The following RYR3 variants were observed in gnomAD, a reference collection of about 807,000 sequenced individuals.
RYR3 encodes ryanodine receptor 3.
In RYR3, 207 loss-of-function variants were observed where a neutral mutation model predicts 584.3. That is an observed-to-expected ratio of 0.35 (90% CI 0.32 to 0.40). The LOEUF (loss-of-function observed/expected upper bound fraction) is 0.40. Ranked by LOEUF, RYR3 falls within the 10% of genes least tolerant of loss-of-function variation. RYR3 has a pLI of 1.00. For missense variants in RYR3, 5,616 were observed against 6,089.2 expected (o/e 0.92, Z 2.59); for synonymous variants, 2,416 against 2,248.5 (o/e 1.07, Z -2.11).
chr15:33,373,552 A>G (rs1249250006), intron 1 of RYR3, among the ~76,000 whole-genome samples: 1 of 152,246 alleles, frequency 6.6e-6, no homozygotes, highest in East Asian at 1.9e-4. Context: ...TGGAACCTCA[A>G]TATATATTTC....
At chr15:33,567,674 G>A (rs1422230344) in intron 12 of RYR3, among the ~76,000 whole-genome samples, 2 of 152,140 alleles carry the variant, frequency 1.3e-5, no homozygotes, top group East Asian at 3.9e-4. Context: ...CCATCTTGCT[G>A]CTCTGACATC....
intron 60 of RYR3, among the ~76,000 whole-genome samples, chr15:33,758,780 C>T (rs964689945): frequency 6.6e-6 from 1 of 152,238 alleles, no homozygotes; most frequent in Non-Finnish European, 1.5e-5. Flanking sequence ...CCCAGCACAG[C>T]ACTCAAGCTC....
chr15:33,481,268 T>C (rs1252025827), intron 2 of RYR3, among the ~76,000 whole-genome samples: 1 of 152,204 alleles, frequency 6.6e-6, no homozygotes, highest in East Asian at 1.9e-4. Context: ...CATTTTACAA[T>C]CTCTGGTGTT....
intron 1 of RYR3, among the ~76,000 whole-genome samples, chr15:33,435,450 G>A (rs1409573633): frequency 6.6e-6 from 1 of 152,120 alleles, no homozygotes; most frequent in Non-Finnish European, 1.5e-5. Context: ...ATAGTTTGGG[G>A]CTCTGGATAT....
intron 5 of RYR3, among the ~76,000 whole-genome samples, chr15:33,533,610 C>G (rs997795846): frequency 6.6e-6 from 1 of 152,058 alleles, no homozygotes; most frequent in Non-Finnish European, 1.5e-5. Context: ...CCACAGTCAG[C>G]CAGAATCTCA....
chr15:33,859,761 CAG>C (rs2080130257), intron 100 of RYR3, 30 bp downstream of exon 100: 1 of 1,584,496 alleles, frequency 6.3e-7, no homozygotes, highest in African/African-American at 1.3e-5. Flanking sequence ...TGAGTATGAA[CAG>C]GGTTTAATCT....
chr15:33,621,288 A>G (rs1480150201), intron 19 of RYR3, among the ~76,000 whole-genome samples: 1 of 152,214 alleles, frequency 6.6e-6, no homozygotes, highest in African/African-American at 2.4e-5. Flanking sequence ...TACTTGCTAT[A>G]CAAGCTACTA....
intron 98 of RYR3, 83 bp from the exon 99 acceptor site, chr15:33,857,697 C>G: frequency 1.3e-6 from 2 of 1,551,824 alleles, no homozygotes; most frequent in Non-Finnish European, 1.8e-6. Context: ...ACTCTTCCTC[C>G]TCGTTTTCTT....
At chr15:33,778,217 T>C (rs1347156083) in intron 64 of RYR3, among the ~76,000 whole-genome samples, 2 of 141,002 alleles carry the variant, frequency 1.4e-5, no homozygotes, top group African/African-American at 4.9e-5. Flanking sequence ...TTTGAAATCT[T>C]ACCCCTTGTT....
chr15:33,364,714 T>C (rs1449516790), intron 1 of RYR3, among the ~76,000 whole-genome samples: 1 of 152,164 alleles, frequency 6.6e-6, no homozygotes, highest in Non-Finnish European at 1.5e-5. Flanking sequence ...CAGGTTGATG[T>C]GCTGGAGAAG....
chr15:33,319,784 GGA>G (rs1341349942), intron 1 of RYR3, among the ~76,000 whole-genome samples: 1 of 152,158 alleles, frequency 6.6e-6, no homozygotes, highest in Non-Finnish European at 1.5e-5. Flanking sequence ...ATGTAAATCT[GGA>G]GAGAGTAGCT....
intron 17 of RYR3, among the ~76,000 whole-genome samples, chr15:33,602,733 CTTTTTTTTTTTTTTTT>C (rs10578832): frequency 2.7e-5 from 2 of 75,198 alleles, no homozygotes; most frequent in South Asian, 5.8e-4. Flanking sequence ...TTTTTCTAGT[CTTTTTTTTTTTTTTTT>C]TTTTTTTTTT....
intron 42 of RYR3, among the ~76,000 whole-genome samples, chr15:33,704,018 C>A (rs1174961979): frequency 6.6e-6 from 1 of 152,018 alleles, no homozygotes; most frequent in Non-Finnish European, 1.5e-5. Context: ...GCCTGTAATC[C>A]CAGCACTTCA....
chr15:33,628,738 C>G (rs771196184), intron 21 of RYR3, among the ~76,000 whole-genome samples, 163 bp downstream of exon 21: 6 of 152,164 alleles, frequency 3.9e-5, no homozygotes, highest in Non-Finnish European at 8.8e-5. Flanking sequence ...CTTTCTTAAT[C>G]CCAAATACTG....
chr15:33,722,848 T>TGA lies in RYR3; in HGVS notation c.6756_6757dup (p.Asn2253ArgfsTer42). The TGA allele has an allele frequency of 1.9e-6, 3 of 1,605,298 alleles. No individual in the cohort carries two copies. The highest frequency in any genetic ancestry group is 2.6e-6 in the Non-Finnish European group (3 of 1,176,344). On this transcript the variant is annotated frameshift_variant, in exon 44 of 104. Transcript: ENST00000634891. LOFTEE classifies it high-confidence loss of function. Reference sequence around the variant, plus strand: ...CCATGCAGGGTGCCATTAAGATCTCTGAGAACCCAGCGCTCGACCTCCCCT... The same window carrying TGA: ...CCATGCAGGGTGCCATTAAGATCTCTGAGAGAACCCAGCGCTCGACCTCCCCT...
At chr15:33,757,109 T>A (rs1041227482) in intron 59 of RYR3, among the ~76,000 whole-genome samples, 1 of 152,178 alleles carries the variant, frequency 6.6e-6, no homozygotes, top group African/African-American at 2.4e-5. Context: ...GTCGCCTTGC[T>A]CTGAGAAGCA....
intron 1 of RYR3, among the ~76,000 whole-genome samples, chr15:33,383,523 G>A (rs114139842): frequency 8.4e-4 from 127 of 151,700 alleles, no homozygotes; most frequent in African/African-American, 2.8e-3. Flanking sequence ...TTCAAACTAC[G>A]AGAGTCCACC....
chr15:33,683,865 C>T (rs1410896640), intron 38 of RYR3, among the ~76,000 whole-genome samples: 2 of 152,288 alleles, frequency 1.3e-5, no homozygotes, highest in African/African-American at 2.4e-5. Context: ...CCCAGGCCCA[C>T]GGAGCCTTGC....
At chr15:33,461,230 C>T (rs1159676505) in intron 1 of RYR3, among the ~76,000 whole-genome samples, 1 of 152,080 alleles carries the variant, frequency 6.6e-6, no homozygotes, top group African/African-American at 2.4e-5. Context: ...AGGCGTGAGC[C>T]ACCGCGCCCG....
Sources: gnomAD v4.1 joint callset for allele counts (sites outside exome capture counted in the v4.1 genomes callset) on GRCh38, gnomAD v4.1.1 for gene constraint, MANE v1.5 for transcripts, NCBI Gene and HGNC (gene_info 2026-07-23, HGNC 2026-07-21) for gene names.